Variants in LRRC73 observed in about 807,000 individuals in gnomAD.
LRRC73 encodes the protein leucine rich repeat containing 73.
LRRC73 carries 16 observed loss-of-function variants against 26.4 expected under a neutral mutation model. The ratio of observed to expected loss-of-function variants is 0.61; its 90% CI spans 0.41 to 0.92. The LOEUF (loss-of-function observed/expected upper bound fraction) is 0.92. Among genes scored for constraint, LRRC73 ranks in the 40% least tolerant of loss-of-function variants. The pLI is 0.00. For synonymous variants in LRRC73, 210 were observed against 179.8 expected (o/e 1.17, Z -1.34); for missense variants, 344 against 416.3 (o/e 0.83, Z 1.51).
exon 6 of LRRC73, chr6:43,507,132 C>T (rs1792513777): frequency 8.3e-7 from 1 of 1,207,372 alleles, no homozygotes; most frequent in African/African-American, 1.5e-5. Context: ...CCCATGCAGC[C>T]CCTGACCCCA....
At chr6:43,507,537 C>T (rs767594980) in exon 5 of LRRC73, 19 of 1,613,668 alleles carry the variant, frequency 1.2e-5, no homozygotes, top group South Asian at 5.5e-5. Context: ...GTGTCGCCAG[C>T]CCCTCCTGCC....
exon 3 of LRRC73, chr6:43,508,362 G>A (rs538762036): frequency 6.2e-7 from 1 of 1,613,714 alleles, no homozygotes; most frequent in South Asian, 1.1e-5. Context: ...CAATGGCAAG[G>A]CGGCTCCAGC....
rs757129608 is a variant in LRRC73 at position 43,509,698 on chromosome 6, C to G, written c.88G>C (p.Val30Leu). ...CAGCCGCGCAGTGAGAGCAGGCGCA[C>G]GGCGTTGTCGCGAAGGCCGCGGCAG... Residue 30 changes from valine to leucine, a missense_variant, in exon 1 of 6, where the codon GTG becomes CTG. Coordinates refer to ENST00000372441, the Ensembl canonical transcript of LRRC73. 1.9e-6 allele frequency: 3 copies of G among 1,590,948 alleles called. No individual in the cohort carries two copies. In the East Asian group the frequency reaches 6.8e-5, roughly 36 times the overall value.
chr6:43,509,750 C>G, exon 1 of LRRC73: 1 of 1,583,898 alleles, frequency 6.3e-7, no homozygotes, highest in Non-Finnish European at 8.5e-7. Flanking sequence ...CGCCGGACAG[C>G]GGCTCCCCCG....
At chr6:43,509,865 G>A in exon 1 of LRRC73, 3 of 1,301,018 alleles carry the variant, frequency 2.3e-6, no homozygotes, top group Non-Finnish European at 3.0e-6. Context: ...GATAGGGCCG[G>A]GGTCGGGGCC....
At chr6:43,508,865 C>T (rs1792582945) in exon 2 of LRRC73, 5 of 1,612,586 alleles carry the variant, frequency 3.1e-6, no homozygotes, top group Non-Finnish European at 8.5e-7. Context: ...GGGTGGAGGG[C>T]CAGGGCTGGG....
chr6:43,508,496 T>A, intron 2 of LRRC73, 76 bp from the exon 3 acceptor site: 1 of 1,598,088 alleles, frequency 6.3e-7, no homozygotes, highest in South Asian at 1.1e-5. Context: ...AATCCCTGTG[T>A]CTCTGGGGTG....
At chr6:43,508,864 G>A in exon 2 of LRRC73, 1 of 1,612,756 alleles carries the variant, frequency 6.2e-7, no homozygotes, top group Non-Finnish European at 8.5e-7. Flanking sequence ...AGGGTGGAGG[G>A]CCAGGGCTGG....
chr6:43,507,307 A>C, exon 6 of LRRC73: 2 of 1,613,964 alleles, frequency 1.2e-6, no homozygotes, highest in East Asian at 4.5e-5. Context: ...GAGAGCTGGG[A>C]TCTGTGGAAG....
At chr6:43,508,147 T>C (rs987716964) in intron 3 of LRRC73, 151 bp downstream of exon 3, 4 of 1,236,276 alleles carry the variant, frequency 3.2e-6, no homozygotes, top group Non-Finnish European at 4.4e-6. Context: ...GTTGGTCACC[T>C]GGTCCGCCAC....
exon 3 of LRRC73, chr6:43,508,365 G>C: frequency 6.2e-7 from 1 of 1,613,712 alleles, no homozygotes. Flanking sequence ...TGGCAAGGCG[G>C]CTCCAGCCCT....
exon 1 of LRRC73, chr6:43,509,744 G>A (rs1383190417): frequency 1.9e-6 from 3 of 1,586,454 alleles, no homozygotes; most frequent in Non-Finnish European, 1.7e-6. Flanking sequence ...CCTCGGCGCC[G>A]GACAGCGGCT....
At chr6:43,508,642 G>A (rs1792578970) in intron 2 of LRRC73, 118 bp downstream of exon 2, 7 of 1,439,402 alleles carry the variant, frequency 4.9e-6, no homozygotes, top group Admixed American at 4.2e-5. Context: ...TTCCTGAGAG[G>A]AGTAGAAAGA....
At chr6:43,510,153 T>C (rs929932841) in exon 1 of LRRC73, 149 of 180,158 alleles carry the variant, frequency 8.3e-4, no homozygotes, top group Non-Finnish European at 1.2e-3. Context: ...TCCCTCGCGG[T>C]CGCGGCGGCG....
exon 1 of LRRC73, chr6:43,509,525 G>T: frequency 6.2e-7 from 1 of 1,608,756 alleles, no homozygotes; most frequent in Non-Finnish European, 8.5e-7. Flanking sequence ...AGAGGGACTG[G>T]ATGGAGCGGT....
exon 6 of LRRC73, chr6:43,507,235 G>C (rs1430811336): frequency 6.2e-7 from 1 of 1,613,660 alleles, no homozygotes; most frequent in East Asian, 2.2e-5. Context: ...GCCCAGTGGA[G>C]AGTCACATCT....
At chr6:43,508,723 C>T in intron 2 of LRRC73, 37 bp downstream of exon 2, 1 of 1,560,716 alleles carries the variant, frequency 6.4e-7, no homozygotes, top group South Asian at 1.2e-5. Flanking sequence ...TTCATCACTG[C>T]CACACTAGCC....
chr6:43,509,342 C>T (rs1792597631), intron 1 of LRRC73, among the ~76,000 whole-genome samples, 172 bp downstream of exon 1: 1 of 152,200 alleles, frequency 6.6e-6, no homozygotes, highest in African/African-American at 2.4e-5. Flanking sequence ...CGTGCAAAGT[C>T]CAAGCATGTG....
chr6:43,509,760 G>A, exon 1 of LRRC73: 4 of 1,582,700 alleles, frequency 2.5e-6, no homozygotes, highest in South Asian at 1.1e-5. Flanking sequence ...CGGCTCCCCC[G>A]AAATCTGGAT....
Sources: allele counts gnomAD v4.1 joint callset (sites outside exome capture counted in the v4.1 genomes callset), GRCh38; gene constraint gnomAD v4.1.1; transcripts MANE v1.5; gene names NCBI Gene and HGNC (gene_info 2026-07-23, HGNC 2026-07-21).